LIN52: variants seen among roughly 807,000 people sequenced by gnomAD.
The protein encoded by LIN52 is lin-52 DREAM MuvB core complex component.
A neutral mutation model predicts 18.5 loss-of-function variants in LIN52; 4 were observed. That is an observed-to-expected ratio of 0.22 (90% CI 0.11 to 0.49). The LOEUF is 0.49. Among genes scored for constraint, LIN52 ranks in the 20% least tolerant of loss-of-function variants. The probability of loss-of-function intolerance (pLI) is 0.97; values close to 1 mark genes in which losing one functional copy is unlikely to be tolerated. For synonymous variants in LIN52, 34 were observed against 45.5 expected, an observed-to-expected ratio of 0.75 and a Z score of 1.02; for missense variants, 102 against 139.5, an observed-to-expected ratio of 0.73 and a Z score of 1.35.
At chr14:74,171,736 CTTTTTT>C (rs534860812) in intron 5 of LIN52, among the ~76,000 whole-genome samples, 140 of 122,670 alleles carry the variant, frequency 1.1e-3, no homozygotes, top group Admixed American at 2.4e-3. Context: ...TATTTTAATT[CTTTTTT>C]TTTTTTTTTT....
At chr14:74,124,921 A>G (rs375521627) in intron 5 of LIN52, among the ~76,000 whole-genome samples, 1 of 152,082 alleles carries the variant, frequency 6.6e-6, no homozygotes, top group Non-Finnish European at 1.5e-5. Flanking sequence ...GGTAAGTTGA[A>G]CTTCATTAAA....
intron 5 of LIN52, among the ~76,000 whole-genome samples, chr14:74,145,523 C>T (rs2061149839): frequency 6.6e-6 from 1 of 152,210 alleles, no homozygotes; most frequent in Admixed American, 6.5e-5. Context: ...TCTTCTAAAG[C>T]TGCCTGTTAA....
Position 74,198,733 on chromosome 14 carries a change from G to A in LIN52, c.284-189G>A, listed in dbSNP as rs558043266. 3.3e-5 allele frequency among the ~76,000 whole-genome samples: 5 copies of A among 152,288 alleles called. No homozygotes were observed. The East Asian group carries it at 5.8e-4, about 18-fold the overall frequency. On this transcript the variant is annotated intron_variant, in intron 5 of 5. Transcript: ENST00000555028. ...CAATTGCCAACTTCAGAATAGCTTT[G>A]TACAGTTTTAGTTGTCTATAGTGGT...
intron 5 of LIN52, among the ~76,000 whole-genome samples, chr14:74,190,112 A>G (rs984523744): frequency 6.6e-6 from 1 of 152,178 alleles, no homozygotes; most frequent in African/African-American, 2.4e-5. Context: ...ACAAAAAATT[A>G]AAGTTATAAA....
intron 5 of LIN52, among the ~76,000 whole-genome samples, chr14:74,125,587 A>G (rs900601745): frequency 3.3e-5 from 5 of 152,096 alleles, no homozygotes; most frequent in African/African-American, 9.7e-5. Flanking sequence ...ACACATTCAC[A>G]TGTATGTTTA....
intron 5 of LIN52, among the ~76,000 whole-genome samples, chr14:74,151,489 G>A (rs545091682): frequency 1.3e-5 from 2 of 149,884 alleles, no homozygotes; most frequent in South Asian, 4.2e-4. Flanking sequence ...TGATTAGGAT[G>A]CAGTTGAGCA....
intron 5 of LIN52, among the ~76,000 whole-genome samples, chr14:74,150,658 T>C (rs2061172991): frequency 6.6e-6 from 1 of 152,220 alleles, no homozygotes; most frequent in Non-Finnish European, 1.5e-5. Context: ...TGTTATACTT[T>C]TTTAAATTAA....
intron 1 of LIN52, 137 bp downstream of exon 1, chr14:74,085,130 T>C: frequency 1.3e-6 from 1 of 791,724 alleles, no homozygotes; most frequent in South Asian, 4.7e-5. Context: ...TTTCTTGAGA[T>C]CCATCGCCGT....
chr14:74,168,560 C>T (rs909709490), intron 5 of LIN52, among the ~76,000 whole-genome samples: 19 of 151,306 alleles, frequency 1.3e-4, no homozygotes, highest in African/African-American at 4.6e-4. Flanking sequence ...CCCAGCTACT[C>T]GGGAGGCTGA....
intron 5 of LIN52, among the ~76,000 whole-genome samples, chr14:74,121,530 G>A (rs113534243): frequency 0.014 from 2,142 of 152,252 alleles, 27 homozygotes; most frequent in South Asian, 0.031. Context: ...ACATAGTGCC[G>A]AAGTTAGTTA....
chr14:74,147,540 C>G (rs2061157393), intron 5 of LIN52, among the ~76,000 whole-genome samples: 1 of 152,196 alleles, frequency 6.6e-6, no homozygotes, highest in Non-Finnish European at 1.5e-5. Context: ...GAAATCCCAG[C>G]ACCTGTGTTC....
chr14:74,186,727 G>T (rs1381448597), intron 5 of LIN52, among the ~76,000 whole-genome samples: 1 of 152,164 alleles, frequency 6.6e-6, no homozygotes, highest in East Asian at 1.9e-4. Flanking sequence ...GGCCAGGCGT[G>T]GTGGCTCACG....
At chr14:74,184,148 T>C (rs2061331381) in intron 5 of LIN52, among the ~76,000 whole-genome samples, 1 of 152,202 alleles carries the variant, frequency 6.6e-6, no homozygotes, top group Non-Finnish European at 1.5e-5. Flanking sequence ...AGGTGTGATC[T>C]TCACTCACAG....
intron 5 of LIN52, among the ~76,000 whole-genome samples, chr14:74,153,756 C>T (rs1019480333): frequency 1.3e-5 from 2 of 152,042 alleles, no homozygotes; most frequent in African/African-American, 4.8e-5. Context: ...GTTGGTCAGG[C>T]TGGTTTCGAA....
intron 5 of LIN52, among the ~76,000 whole-genome samples, chr14:74,142,168 A>G (rs2061134259): frequency 1.3e-5 from 2 of 152,194 alleles, no homozygotes; most frequent in Admixed American, 1.3e-4. Context: ...GAAATTCCAC[A>G]TCTGCCAAAG....
chr14:74,092,416 C>T (rs2060778988), intron 2 of LIN52, among the ~76,000 whole-genome samples: 1 of 150,530 alleles, frequency 6.6e-6, no homozygotes, highest in African/African-American at 2.4e-5. Context: ...AGCGATTCTC[C>T]TGCCTCGGCT....
At chr14:74,194,669 C>A (rs569675659) in intron 5 of LIN52, among the ~76,000 whole-genome samples, 1 of 152,142 alleles carries the variant, frequency 6.6e-6, no homozygotes, top group Non-Finnish European at 1.5e-5. Flanking sequence ...AATTTGTGAT[C>A]TATGTACGAC....
At chr14:74,124,397 TCA>T (rs1174828341) in intron 5 of LIN52, among the ~76,000 whole-genome samples, 1 of 152,184 alleles carries the variant, frequency 6.6e-6, no homozygotes, top group Admixed American at 6.5e-5. Context: ...TCTTAAAGAT[TCA>T]GTTTCTCCCA....
intron 5 of LIN52, among the ~76,000 whole-genome samples, chr14:74,195,975 G>A (rs2078909890): frequency 6.6e-6 from 1 of 152,172 alleles, no homozygotes; most frequent in South Asian, 2.1e-4. Flanking sequence ...CACAAAAAGG[G>A]GTTGGTGCTT....
Sources: allele counts gnomAD v4.1 joint callset (sites outside exome capture counted in the v4.1 genomes callset), GRCh38; gene constraint gnomAD v4.1.1; transcripts MANE v1.5; gene names NCBI Gene and HGNC (gene_info 2026-07-23, HGNC 2026-07-21).